PRRC2C: variants seen among roughly 807,000 people sequenced by gnomAD.
The protein encoded by PRRC2C is protein PRRC2C.
In PRRC2C, 72 loss-of-function variants were observed where a neutral mutation model predicts 317.2. The ratio of observed to expected loss-of-function variants is 0.23; its 90% CI spans 0.19 to 0.28. The LOEUF (loss-of-function observed/expected upper bound fraction) is 0.28. PRRC2C is among the 10% of genes least tolerant of loss of function. PRRC2C has a pLI of 1.00. For missense variants in PRRC2C, 3,074 were observed against 3,459.7 expected (o/e 0.89, Z 2.80); for synonymous variants, 1,296 against 1,205.9 (o/e 1.07, Z -1.55).
Position 171,566,391 on chromosome 1 carries a change from G to A in PRRC2C, c.6276G>A (p.Gln2092=). The A allele has an allele frequency of 1.3e-6, 2 of 1,583,672 alleles. No individual in the cohort carries two copies. Among genetic ancestry groups the A allele is most frequent in the Non-Finnish European group, 1.7e-6 (2 of 1,164,580 alleles). ...IPEPKEQRQK[Q]PRAGPIKAQK... ...AACCTAAAGAACAGCGGCAGAAGCA[G>A]CCACGAGCAGGACCTATCAAAGCCC... The change falls in exon 21 of 35, where the codon CAG becomes CAA. Residue 2092 remains glutamine (Q), a synonymous_variant. Transcript: ENST00000647382.
In PRRC2C at chr1:171,587,750, C is replaced by T. The variant is rs777668274; in HGVS notation, c.8071C>T (p.Arg2691Trp). The change falls in exon 32 of 35, where the codon CGG (arginine) becomes TGG (tryptophan). Residue 2691 changes from arginine to tryptophan, a missense_variant and splice_region_variant. Coordinates refer to ENST00000647382, the MANE Select transcript of PRRC2C (RefSeq NM_001387844.1). ...RSTTPTSSPF[R>W]ATSTSPNSQS... Reference sequence around the variant, plus strand: ...CACCACACCAACATCTAGTCCCTTCCGGTAAAATGGGCATTTAAATTTGCT... The same window carrying T: ...CACCACACCAACATCTAGTCCCTTCTGGTAAAATGGGCATTTAAATTTGCT... 3.1e-6 allele frequency: 5 copies of T among 1,600,044 alleles called. No homozygotes were observed. The highest frequency in any genetic ancestry group is 1.7e-5 in the Admixed American group (1 of 59,710).
intron 28 of PRRC2C, among the ~76,000 whole-genome samples, chr1:171,583,598 A>G (rs1649203679): frequency 6.6e-6 from 1 of 152,224 alleles, no homozygotes; most frequent in Admixed American, 6.5e-5. Flanking sequence ...AAATACATAA[A>G]CTAGTAACAT....
At chr1:171,524,074 T>G (rs1674108231) in intron 9 of PRRC2C, among the ~76,000 whole-genome samples, 1 of 152,094 alleles carries the variant, frequency 6.6e-6, no homozygotes, top group African/African-American at 2.4e-5. Context: ...GCACCTAGTT[T>G]GGAGATCTTT....
chr1:171,540,825 C>A lies in PRRC2C; in HGVS notation c.3359C>A (p.Ala1120Glu). ...EPVSTVQVEPAVKTVNQQTMA... is the reference protein window; with the variant it reads ...EPVSTVQVEPEVKTVNQQTMA... ...GTGAGTACTGTTCAGGTAGAGCCTG[C>A]AGTTAAGACTGTAAACCAACAGACT... is the stretch of plus-strand genomic sequence containing the variant. Residue 1120 changes from alanine (A) to glutamate (E), a missense_variant, in exon 16 of 35, where the codon GCA becomes GAA. Coordinates refer to ENST00000647382, the MANE Select transcript of PRRC2C (RefSeq NM_001387844.1). 6.2e-7 allele frequency: 1 copy of A among 1,613,662 alleles called. No homozygotes were observed. Among genetic ancestry groups the A allele is most frequent in the Non-Finnish European group, 8.5e-7 (1 of 1,179,800 alleles).
rs75609916 is a variant in PRRC2C, at chr1:171,564,213, TAA to T, written c.6118-2018_6118-2017del. Among the ~76,000 whole-genome samples the T allele has an allele frequency of 2.4e-4, 37 of 152,294 alleles. No individual in the cohort carries two copies. In the East Asian group the frequency reaches 7.1e-3, roughly 29 times the overall value. On this transcript the variant is annotated intron_variant, in intron 20 of 34. Transcript: ENST00000647382. ...TAGAACTCTTAATGATTATTTTACTTAAAGTTATCAACGTTAGTTACACCAAC... is the reference window on the plus strand; with the variant it reads ...TAGAACTCTTAATGATTATTTTACTTAGTTATCAACGTTAGTTACACCAAC...
chr1:171,578,027 C>G (rs1259252450), intron 26 of PRRC2C, among the ~76,000 whole-genome samples: 1 of 148,106 alleles, frequency 6.8e-6, no homozygotes, highest in East Asian at 2.0e-4. Flanking sequence ...AACTCCTGAG[C>G]TCAAGTGATC....
chr1:171,537,808 TG>T (rs1412782356), intron 15 of PRRC2C, among the ~76,000 whole-genome samples: 3 of 152,126 alleles, frequency 2.0e-5, no homozygotes, highest in African/African-American at 7.2e-5. Flanking sequence ...CAGGCTCAAG[TG>T]ATCGGCTTAC....
chr1:171,531,130 T>G (rs902042355), intron 11 of PRRC2C, among the ~76,000 whole-genome samples: 1 of 152,156 alleles, frequency 6.6e-6, no homozygotes, highest in African/African-American at 2.4e-5. Context: ...GAATATAATT[T>G]TATACATGTA....
intron 3 of PRRC2C, among the ~76,000 whole-genome samples, chr1:171,513,683 G>A (rs976779861): frequency 2.0e-5 from 3 of 152,056 alleles, no homozygotes; most frequent in African/African-American, 7.2e-5. Context: ...GTATGTCAAG[G>A]ATTTTGCCAG....
chr1:171,523,130 T>A, intron 7 of PRRC2C, 91 bp from the exon 8 acceptor site: 2 of 1,209,524 alleles, frequency 1.7e-6, no homozygotes. Flanking sequence ...AAAACACTAA[T>A]GTTGAAATGA....
In PRRC2C at chr1:171,519,266, A is replaced by T. The variant is rs79488157; in HGVS notation, c.750+1452A>T. 4.8e-3 allele frequency among the ~76,000 whole-genome samples: 737 copies of T among 152,324 alleles called. 8 individuals are homozygous for T. Among genetic ancestry groups the T allele is most frequent in the African/African-American group, 0.017 (711 of 41,572 alleles). ...TTAAGTTCTATTTTAAAGGATAAAG[A>T]CTTGGGGAGAAGGTTTGCAATGCTG... On this transcript the variant is annotated intron_variant, in intron 6 of 34. Transcript: ENST00000647382.
intron 11 of PRRC2C, among the ~76,000 whole-genome samples, chr1:171,529,063 T>G (rs1315674838): frequency 6.6e-6 from 1 of 152,170 alleles, no homozygotes; most frequent in Admixed American, 6.5e-5. Context: ...GTGCTGGAAT[T>G]ACAGACTTGA....
intron 25 of PRRC2C, among the ~76,000 whole-genome samples, chr1:171,576,153 TCTTCA>T (rs1370774675): frequency 5.3e-5 from 8 of 152,250 alleles, no homozygotes; most frequent in African/African-American, 1.9e-4. Context: ...TGCCAAGGCA[TCTTCA>T]CTTATGTTTA....
chr1:171,495,565 T>C (rs957452278), intron 1 of PRRC2C, among the ~76,000 whole-genome samples: 12 of 152,236 alleles, frequency 7.9e-5, no homozygotes, highest in African/African-American at 2.9e-4. Context: ...GATTCTCATT[T>C]GTATTAAGTT....
At chr1:171,486,565 C>T (rs1485843611) in intron 1 of PRRC2C, among the ~76,000 whole-genome samples, 1 of 152,070 alleles carries the variant, frequency 6.6e-6, no homozygotes, top group East Asian at 1.9e-4. Flanking sequence ...TGTGTTTTGA[C>T]ATTATTTGGG....
At chr1:171,532,287 C>A in intron 11 of PRRC2C, 56 bp from the exon 12 acceptor site, 1 of 1,513,448 alleles carries the variant, frequency 6.6e-7, no homozygotes, top group South Asian at 1.4e-5. Context: ...TGCCTGATAC[C>A]CAGTGTTAGT....
At position 171,540,088 on chromosome 1, in the gene PRRC2C, A is replaced by G. The variant is rs2102487085; in HGVS notation, c.2622A>G (p.Gln874=). The part of the protein sequence containing the change: ...FIRESSEAQV[Q]KFLSRSVEDV... The stretch of plus-strand genomic sequence containing the variant: ...GAGAATCAAGTGAGGCACAAGTACA[A>G]AAGTTTTTAAGCAGATCTGTGGAAG... Residue 874 remains glutamine, a synonymous_variant, in exon 16 of 35, where the codon CAA becomes CAG. Coordinates refer to ENST00000647382, the MANE Select transcript of PRRC2C (RefSeq NM_001387844.1). 1.2e-6 allele frequency: 2 copies of G among 1,614,004 alleles called. No individual in the cohort carries two copies. Among genetic ancestry groups the G allele is most frequent in the Non-Finnish European group, 1.7e-6 (2 of 1,179,876 alleles).
At chr1:171,564,411 G>A (rs1038558452) in intron 20 of PRRC2C, among the ~76,000 whole-genome samples, 14 of 152,020 alleles carry the variant, frequency 9.2e-5, no homozygotes, top group African/African-American at 1.4e-4. Flanking sequence ...TAACATTTTT[G>A]TATATACAGT....
In PRRC2C at chr1:171,500,123, C is replaced by T. The variant is rs72717808; in HGVS notation, c.-57-11909C>T. ...CATCATGAGAATAATGAGGAAAGAA[C>T]GGTAAACAGAGCTTGGATATTTAGA... On this transcript the variant is annotated intron_variant, in intron 1 of 34. Coordinates refer to ENST00000647382, the MANE Select transcript of PRRC2C (RefSeq NM_001387844.1). 2.7e-3 allele frequency among the ~76,000 whole-genome samples: 405 copies of T among 152,190 alleles called. 2 individuals carry two copies. The highest frequency in any genetic ancestry group is 4.9e-3 in the Non-Finnish European group (336 of 68,024).
Sources: allele counts gnomAD v4.1 joint callset (sites outside exome capture counted in the v4.1 genomes callset), GRCh38; gene constraint gnomAD v4.1.1; transcripts MANE v1.5; gene names NCBI Gene and HGNC (gene_info 2026-07-23, HGNC 2026-07-21).